The following TCF7L2 variants were observed in gnomAD, a reference collection of about 807,000 sequenced individuals.
The protein encoded by TCF7L2 is transcription factor 7 like 2.
TCF7L2 carries 23 observed loss-of-function variants against 77.9 expected under a neutral mutation model. The ratio of observed to expected loss-of-function variants is 0.30; its 90% CI spans 0.21 to 0.42. The LOEUF (loss-of-function observed/expected upper bound fraction) is 0.42, where lower values mean the gene tolerates loss of function less well. Ranked by LOEUF, TCF7L2 falls within the 10% of genes least tolerant of loss-of-function variation. The pLI is 1.00. For synonymous variants in TCF7L2, 413 were observed against 340.2 expected (o/e 1.21, Z -2.36); for missense variants, 654 against 793.1 (o/e 0.82, Z 2.11).
chr10:113,075,283 AC>A (rs2058562116), intron 5 of TCF7L2, among the ~76,000 whole-genome samples: 1 of 152,038 alleles, frequency 6.6e-6, no homozygotes, highest in Non-Finnish European at 1.5e-5. Context: ...ACATGGTGAA[AC>A]CCTATCTCTA....
chr10:113,061,814 G>A (rs1478821316), intron 5 of TCF7L2, among the ~76,000 whole-genome samples: 1 of 152,214 alleles, frequency 6.6e-6, no homozygotes, highest in Non-Finnish European at 1.5e-5. Flanking sequence ...TAGCAGGTGA[G>A]GAGTTAAAAG....
intron 4 of TCF7L2, among the ~76,000 whole-genome samples, chr10:113,015,083 G>T (rs2133726119): frequency 6.6e-6 from 1 of 152,268 alleles, no homozygotes; most frequent in African/African-American, 2.4e-5. Context: ...CTACTTGGGA[G>T]GCTGAGGCAG....
Position 113,165,547 on chromosome 10 carries a change from GT to G in TCF7L2, c.1392-5del, listed in dbSNP as rs780841796. The G allele has an allele frequency of 6.2e-7, 1 of 1,613,380 alleles. No homozygotes were observed. Among genetic ancestry groups the G allele is most frequent in the East Asian group, 2.2e-5 (1 of 44,840 alleles). On this transcript the variant is annotated splice_polypyrimidine_tract_variant and splice_region_variant and intron_variant, in intron 13 of 13. Coordinates refer to ENST00000627217, the MANE Select transcript of TCF7L2 (RefSeq NM_001146274.2). ...CTATTCACAGATAACTCTCTCCCCTGTTTCTAGGAGAAAAAAAAAGTGCGTT... is the reference window on the plus strand; with the variant it reads ...CTATTCACAGATAACTCTCTCCCCTGTTCTAGGAGAAAAAAAAAGTGCGTT...
At chr10:113,085,937 T>C (rs770289123) in intron 5 of TCF7L2, among the ~76,000 whole-genome samples, 4 of 152,210 alleles carry the variant, frequency 2.6e-5, no homozygotes, top group Non-Finnish European at 4.4e-5. Flanking sequence ...TGACATGAAA[T>C]AGCTCAGTGC....
At chr10:113,161,532 G>T in intron 13 of TCF7L2, 1 of 1,534,444 alleles carries the variant, frequency 6.5e-7, no homozygotes, top group South Asian at 1.2e-5. Flanking sequence ...TTTCTTTAAT[G>T]ACCACCTTTG....
At chr10:112,971,714 G>A (rs191796770) in intron 4 of TCF7L2, among the ~76,000 whole-genome samples, 19 of 151,838 alleles carry the variant, frequency 1.3e-4, no homozygotes, top group Non-Finnish European at 2.1e-4. Context: ...CCGGGTTCAA[G>A]CAATTCTCCC....
At chr10:113,049,401 CT>C (rs1307834084) in intron 5 of TCF7L2, among the ~76,000 whole-genome samples, 1 of 152,070 alleles carries the variant, frequency 6.6e-6, no homozygotes, top group Non-Finnish European at 1.5e-5. Context: ...GTCGATTGCT[CT>C]TTTCTTTCAT....
At chr10:113,128,833 C>T (rs751572244) in intron 5 of TCF7L2, among the ~76,000 whole-genome samples, 57 of 152,262 alleles carry the variant, frequency 3.7e-4, no homozygotes, top group Non-Finnish European at 6.8e-4. Context: ...TAAGTTAAAA[C>T]CACACAAATG....
At chr10:113,005,959 G>C (rs974305189) in intron 4 of TCF7L2, among the ~76,000 whole-genome samples, 1 of 152,034 alleles carries the variant, frequency 6.6e-6, no homozygotes, top group East Asian at 1.9e-4. Context: ...ACTGGTCCAG[G>C]GGATCCACAG....
chr10:113,045,211 G>T (rs1230351930), intron 5 of TCF7L2, among the ~76,000 whole-genome samples: 2 of 152,156 alleles, frequency 1.3e-5, no homozygotes, highest in Non-Finnish European at 1.5e-5. Flanking sequence ...AGAGAGTGGA[G>T]TCAATGAAGA....
chr10:112,962,180 G>T (rs1427826334), intron 3 of TCF7L2, among the ~76,000 whole-genome samples: 1 of 152,112 alleles, frequency 6.6e-6, no homozygotes, highest in Non-Finnish European at 1.5e-5. Flanking sequence ...TAGTTATCAG[G>T]TGTCCACTCA....
Position 113,134,501 on chromosome 10 carries a change from TCAC to T in TCF7L2, c.553-6678_553-6676del, listed in dbSNP as rs532917063. On this transcript the variant is annotated intron_variant, in intron 5 of 13. Coordinates refer to ENST00000627217, the MANE Select transcript of TCF7L2 (RefSeq NM_001146274.2). ...CAGGGGGGTTACCTTAACTGACTGT[TCAC>T]CACCCTCACAGGCTGGAAAAACAGG... is the stretch of plus-strand genomic sequence containing the variant. Among the ~76,000 whole-genome samples, 129 of 152,282 alleles carry T rather than the reference TCAC, an allele frequency of 8.5e-4. 2 individuals carry two copies. The South Asian group carries it at 0.027, about 31-fold the overall frequency.
At chr10:113,005,726 A>C (rs763003312) in intron 4 of TCF7L2, among the ~76,000 whole-genome samples, 2 of 152,112 alleles carry the variant, frequency 1.3e-5, no homozygotes, top group African/African-American at 4.8e-5. Context: ...GGAGGAAGTC[A>C]TTCTCCAAGT....
chr10:112,998,161 A>G lies in TCF7L2; in HGVS notation c.450+33537A>G, dbSNP rs1206467726. Among the ~76,000 whole-genome samples, 3 of 149,318 alleles carry G rather than the reference A, an allele frequency of 2.0e-5. No homozygotes were observed. In the East Asian group the frequency reaches 5.9e-4, roughly 30 times the overall value. ...ACCATGTTGGCCAGTCTAGGCTTGA[A>G]CTCCTGGCCTCAAGAGGTGCTCTCA... On this transcript the variant is annotated intron_variant, in intron 4 of 13. Coordinates refer to ENST00000627217, the MANE Select transcript of TCF7L2 (RefSeq NM_001146274.2).
intron 7 of TCF7L2, among the ~76,000 whole-genome samples, chr10:113,144,654 C>T (rs1195556778): frequency 6.6e-6 from 1 of 152,124 alleles, no homozygotes; most frequent in African/African-American, 2.4e-5. Flanking sequence ...AGTCTTTGCA[C>T]GTTGAATGTT....
intron 4 of TCF7L2, among the ~76,000 whole-genome samples, chr10:112,991,822 G>A (rs190018582): frequency 6.6e-6 from 1 of 152,242 alleles, no homozygotes; most frequent in East Asian, 1.9e-4. Flanking sequence ...TCTGCTTCCC[G>A]GCCCCACACT....
At chr10:113,079,925 T>G (rs894905991) in intron 5 of TCF7L2, among the ~76,000 whole-genome samples, 1 of 152,128 alleles carries the variant, frequency 6.6e-6, no homozygotes, top group Non-Finnish European at 1.5e-5. Flanking sequence ...CCCAAAGTGC[T>G]GGGATTACAA....
At chr10:113,101,580 C>T (rs1284536493) in intron 5 of TCF7L2, among the ~76,000 whole-genome samples, 11 of 151,932 alleles carry the variant, frequency 7.2e-5, no homozygotes, top group African/African-American at 2.2e-4. Context: ...CGGTGGCTCA[C>T]GCCTGTAATC....
At chr10:112,985,671 C>G (rs1590013360) in intron 4 of TCF7L2, among the ~76,000 whole-genome samples, 1 of 151,900 alleles carries the variant, frequency 6.6e-6, no homozygotes. Flanking sequence ...GGCAGCCTTG[C>G]TTTTTTTTGG....
Sources: allele counts gnomAD v4.1 joint callset (sites outside exome capture counted in the v4.1 genomes callset), GRCh38; gene constraint gnomAD v4.1.1; transcripts MANE v1.5; gene names NCBI Gene and HGNC (gene_info 2026-07-23, HGNC 2026-07-21).